NAALADL2: variants seen among roughly 807,000 people sequenced by gnomAD.
The protein encoded by NAALADL2 is inactive N-acetylated-alpha-linked acidic dipeptidase-like protein 2.
Under a neutral mutation model 87.2 loss-of-function variants are expected in NAALADL2, and 76 were observed. The ratio of observed to expected loss-of-function variants is 0.87; its 90% CI spans 0.72 to 1.05. NAALADL2 has a LOEUF of 1.05. Among genes scored for constraint, NAALADL2 ranks in the 50% least tolerant of loss-of-function variants. The pLI is 0.00. For synonymous variants in NAALADL2, 354 were observed against 331.0 expected (o/e 1.07, Z -0.75); for missense variants, 1,089 against 945.8 (o/e 1.15, Z -1.99).
chr3:174,498,572 A>T (rs1485616390), intron 1 of NAALADL2, among the ~76,000 whole-genome samples: 1 of 150,788 alleles, frequency 6.6e-6, no homozygotes, highest in Non-Finnish European at 1.5e-5. Context: ...GAATGGCAGG[A>T]TTGCATAATA....
intron 4 of NAALADL2, among the ~76,000 whole-genome samples, chr3:175,280,061 C>T (rs551661252): frequency 1.3e-4 from 19 of 151,782 alleles, no homozygotes; most frequent in African/African-American, 4.3e-4. Context: ...TAAATATACC[C>T]TTGGATTTAG....
chr3:174,578,144 CTA>C (rs1715750861), intron 2 of NAALADL2, among the ~76,000 whole-genome samples: 1 of 151,866 alleles, frequency 6.6e-6, no homozygotes, highest in African/African-American at 2.4e-5. Context: ...TGGAACAATG[CTA>C]TGAGTCTAGC....
intron 11 of NAALADL2, among the ~76,000 whole-genome samples, chr3:175,665,918 G>C (rs1226705687): frequency 6.6e-6 from 1 of 151,536 alleles, no homozygotes; most frequent in Admixed American, 6.6e-5. Context: ...CAACAGAGTG[G>C]GACTCTGTCC....
chr3:175,778,679 T>TA (rs1284063509), intron 13 of NAALADL2, among the ~76,000 whole-genome samples: 1 of 152,216 alleles, frequency 6.6e-6, no homozygotes, highest in Non-Finnish European at 1.5e-5. Flanking sequence ...GTAATTATTA[T>TA]AAAAACTCTA....
At chr3:174,557,336 A>G (rs1006687081) in intron 2 of NAALADL2, among the ~76,000 whole-genome samples, 2 of 152,176 alleles carry the variant, frequency 1.3e-5, no homozygotes. Flanking sequence ...GAACATAAAA[A>G]TTTAGCTGCT....
At chr3:175,633,264 C>G (rs541791586) in intron 11 of NAALADL2, among the ~76,000 whole-genome samples, 118 of 152,198 alleles carry the variant, frequency 7.8e-4, no homozygotes, top group African/African-American at 2.8e-3. Context: ...GTAAAAAGCT[C>G]CACTTGGCTT....
At chr3:174,656,357 A>G (rs1386092318) in intron 2 of NAALADL2, among the ~76,000 whole-genome samples, 1 of 152,214 alleles carries the variant, frequency 6.6e-6, no homozygotes, top group Non-Finnish European at 1.5e-5. Context: ...CAGACACTCT[A>G]GTATGACTGC....
In NAALADL2 at chr3:175,661,510, A is replaced by C. The variant is rs143332383; in HGVS notation, c.1896+34124A>C. On this transcript the variant is annotated intron_variant, in intron 11 of 13. Coordinates refer to ENST00000454872, the MANE Select transcript of NAALADL2 (RefSeq NM_207015.3). ...TGCTGTGCTGAAGCTTTTTAGCTTA[A>C]TGTAATCCCATTTGTTTATTTTTGC... Among the ~76,000 whole-genome samples the C allele has an allele frequency of 1.6e-3, 236 of 152,094 alleles. 1 individual carries two copies. The highest frequency in any genetic ancestry group is 5.3e-3 in the African/African-American group (220 of 41,550).
At position 174,902,123 on chromosome 3, in the gene NAALADL2, G is replaced by C. The variant is rs1732388792; in HGVS notation, c.43+42673G>C. 3.9e-5 allele frequency among the ~76,000 whole-genome samples: 6 copies of C among 152,276 alleles called. No homozygotes were observed. In the South Asian group the frequency reaches 1.2e-3, roughly 32 times the overall value. ...CGCCCAGGTGTTGCTGATGCTGCTA[G>C]TTTGTGGACCACTCTTTGTGTAGCA... On this transcript the variant is annotated intron_variant, in intron 1 of 13. Coordinates refer to ENST00000454872, the MANE Select transcript of NAALADL2 (RefSeq NM_207015.3).
intron 1 of NAALADL2, among the ~76,000 whole-genome samples, chr3:174,483,721 T>C (rs1402748875): frequency 6.6e-6 from 1 of 151,872 alleles, no homozygotes; most frequent in Non-Finnish European, 1.5e-5. Context: ...ATACTTAAGT[T>C]GGAATTTAAA....
chr3:174,674,633 C>T (rs962249875), intron 2 of NAALADL2, among the ~76,000 whole-genome samples: 8 of 151,842 alleles, frequency 5.3e-5, no homozygotes, highest in Admixed American at 1.3e-4. Flanking sequence ...ACTTATCTAC[C>T]CTTTTATTGG....
chr3:174,710,689 C>T (rs1331710061), intron 2 of NAALADL2, among the ~76,000 whole-genome samples: 1 of 152,162 alleles, frequency 6.6e-6, no homozygotes, highest in Non-Finnish European at 1.5e-5. Flanking sequence ...ATGCAGGCAG[C>T]CTCTGCGAGC....
At chr3:174,485,979 A>G (rs1354255915) in intron 1 of NAALADL2, among the ~76,000 whole-genome samples, 1 of 151,954 alleles carries the variant, frequency 6.6e-6, no homozygotes, top group East Asian at 1.9e-4. Flanking sequence ...AGCACCATTT[A>G]TTGAATAGGG....
At chr3:175,117,790 C>T (rs776318654) in intron 2 of NAALADL2, among the ~76,000 whole-genome samples, 8 of 152,060 alleles carry the variant, frequency 5.3e-5, no homozygotes, top group Admixed American at 4.6e-4. Flanking sequence ...GATTATAAAT[C>T]ATGCTGCTAT....
chr3:174,517,855 T>TCCTCC (rs1391599837), intron 1 of NAALADL2, among the ~76,000 whole-genome samples: 2 of 152,136 alleles, frequency 1.3e-5, no homozygotes, highest in Non-Finnish European at 2.9e-5. Context: ...AGAATGTCAT[T>TCCTCC]TTAAAATGTC....
intron 7 of NAALADL2, 101 bp downstream of exon 7, chr3:175,463,594 T>A (rs1723489004): frequency 1.6e-6 from 1 of 616,546 alleles, no homozygotes; most frequent in Non-Finnish European, 2.6e-6. Context: ...CTACTTGAGA[T>A]ATAACTAGAA....
intron 6 of NAALADL2, among the ~76,000 whole-genome samples, chr3:175,458,361 A>G (rs1722629054): frequency 1.3e-5 from 2 of 151,200 alleles, no homozygotes; most frequent in East Asian, 3.9e-4. Flanking sequence ...TTTACTTTTA[A>G]ATCTATATGC....
At chr3:175,800,846 C>T (rs1754061484) in intron 13 of NAALADL2, among the ~76,000 whole-genome samples, 1 of 152,084 alleles carries the variant, frequency 6.6e-6, no homozygotes, top group Admixed American at 6.6e-5. Context: ...GAGATCATAA[C>T]ATATTCTTGA....
At chr3:175,175,990 C>T (rs757190779) in intron 2 of NAALADL2, among the ~76,000 whole-genome samples, 3 of 151,946 alleles carry the variant, frequency 2.0e-5, no homozygotes, top group African/African-American at 4.8e-5. Context: ...ATATGCTATT[C>T]GTCTGGAAAT....
Sources: gnomAD v4.1 joint callset for allele counts (sites outside exome capture counted in the v4.1 genomes callset) on GRCh38, gnomAD v4.1.1 for gene constraint, MANE v1.5 for transcripts, NCBI Gene and HGNC (gene_info 2026-07-23, HGNC 2026-07-21) for gene names.